FANCB: variants seen among roughly 807,000 people sequenced by gnomAD.
FANCB encodes FA complementation group B.
FANCB carries 5 observed loss-of-function variants against 38.9 expected under a neutral mutation model. That is an observed-to-expected ratio of 0.13 (90% CI 0.07 to 0.27). FANCB has a LOEUF of 0.27. FANCB is among the 10% of genes least tolerant of loss of function. FANCB has a pLI of 1.00. For synonymous variants in FANCB, 236 were observed against 215.4 expected (o/e 1.10, Z -0.84); for missense variants, 573 against 602.7 (o/e 0.95, Z 0.52).
the FANCB span, among the ~76,000 whole-genome samples, chrX:14,798,186 T>C: frequency 1.8e-5 from 2 of 110,029 alleles, no homozygotes; most frequent in Non-Finnish European, 3.8e-5. Flanking sequence ...ACTCACTCTG[T>C]TGCTCAGGCT....
rs368706285 is a variant in FANCB at position 14,845,303 on chromosome X, C to A, written c.1497-17G>T. 8.5e-7 allele frequency: 1 copy of A among 1,173,557 alleles called. No homozygotes were observed. The highest frequency in any genetic ancestry group is 1.2e-6 in the Non-Finnish European group (1 of 861,562). ...TTCAGGGACCTGTAAAAAACCCAGA[C>A]TTTGGTTTAATCTAAAAGCTCATTC... On this transcript the variant is annotated splice_polypyrimidine_tract_variant and intron_variant, in intron 7 of 9. Transcript: ENST00000650831.
At chrX:14,742,357 C>T in the FANCB span, among the ~76,000 whole-genome samples, 2 of 111,659 alleles carry the variant, frequency 1.8e-5, no homozygotes, top group African/African-American at 3.2e-5. Flanking sequence ...CCCATTCTTC[C>T]GGAAGGTAAG....
chrX:14,763,382 A>G, the FANCB span, among the ~76,000 whole-genome samples: 1 of 112,172 alleles, frequency 8.9e-6, no homozygotes, highest in African/African-American at 3.2e-5. Context: ...ATATGAATGA[A>G]TCTCACAAAC....
chrX:14,838,909 T>G (rs1043361635), downstream of FANCB, among the ~76,000 whole-genome samples: 2 of 112,353 alleles, frequency 1.8e-5, no homozygotes, highest in Admixed American at 1.9e-4. Flanking sequence ...AGCAGAAAGA[T>G]TCCTAGAACA....
At chrX:14,708,539 C>T in the FANCB span, among the ~76,000 whole-genome samples, 1 of 111,861 alleles carries the variant, frequency 8.9e-6, no homozygotes, top group East Asian at 2.8e-4. Flanking sequence ...ATGCCCATGA[C>T]CCAGTGGGCT....
the FANCB span, among the ~76,000 whole-genome samples, chrX:14,716,499 G>T: frequency 9.0e-6 from 1 of 111,667 alleles, no homozygotes; most frequent in South Asian, 3.7e-4. Flanking sequence ...GACTACAATT[G>T]GTAAAGAGAG....
the FANCB span, among the ~76,000 whole-genome samples, chrX:14,743,203 A>G: frequency 8.9e-6 from 1 of 112,388 alleles, no homozygotes; most frequent in African/African-American, 3.2e-5. Context: ...GTCCACTGTC[A>G]CAGAAGTGGG....
At chrX:14,809,323 T>C in the FANCB span, among the ~76,000 whole-genome samples, 3 of 112,078 alleles carry the variant, frequency 2.7e-5, no homozygotes, top group Admixed American at 9.4e-5. Context: ...TGCCAGACAG[T>C]GGGTGCAGGA....
At chrX:14,771,684 G>A in the FANCB span, among the ~76,000 whole-genome samples, 2 of 111,978 alleles carry the variant, frequency 1.8e-5, no homozygotes, top group Non-Finnish European at 3.8e-5. Context: ...TTGCTGGAGA[G>A]GTGTTGCAGT....
At chrX:14,729,087 T>G in the FANCB span, among the ~76,000 whole-genome samples, 2 of 112,520 alleles carry the variant, frequency 1.8e-5, no homozygotes, top group Non-Finnish European at 3.7e-5. Context: ...ATATTATAAG[T>G]CCTTCATTTA....
At chrX:14,718,701 A>G in the FANCB span, among the ~76,000 whole-genome samples, 1 of 112,063 alleles carries the variant, frequency 8.9e-6, no homozygotes, top group Non-Finnish European at 1.9e-5. Context: ...CAGAGTGCCT[A>G]CACATAGTCT....
chrX:14,779,411 T>C, the FANCB span, among the ~76,000 whole-genome samples: 1 of 111,835 alleles, frequency 8.9e-6, no homozygotes, highest in African/African-American at 3.3e-5. Flanking sequence ...GTATTGCCAA[T>C]GTGACAGTAT....
At chrX:14,858,083 A>C in intron 4 of FANCB, 129 bp from the exon 5 acceptor site, 1 of 473,171 alleles carries the variant, frequency 2.1e-6, no homozygotes, top group Non-Finnish European at 3.6e-6. Flanking sequence ...TATAAAATAC[A>C]CACTATTTTA....
intron 3 of FANCB, among the ~76,000 whole-genome samples, chrX:14,859,625 T>C (rs1392298187): frequency 8.9e-6 from 1 of 112,064 alleles, no homozygotes; most frequent in Non-Finnish European, 1.9e-5. Flanking sequence ...GTAATCTATT[T>C]ATAAGTTCTA....
chrX:14,866,775 T>C (rs1449482202), intron 2 of FANCB, among the ~76,000 whole-genome samples: 1 of 111,752 alleles, frequency 8.9e-6, no homozygotes, highest in Non-Finnish European at 1.9e-5. Flanking sequence ...GACATCCAAA[T>C]TGGAAAGGAG....
At chrX:14,798,969 G>A in the FANCB span, among the ~76,000 whole-genome samples, 3 of 111,672 alleles carry the variant, frequency 2.7e-5, no homozygotes, top group East Asian at 2.8e-4. Flanking sequence ...TGACTGGACC[G>A]AATATGGCAC....
intron 5 of FANCB, 64 bp from the exon 6 acceptor site, chrX:14,853,231 T>A: frequency 5.0e-6 from 5 of 1,006,454 alleles, no homozygotes; most frequent in Non-Finnish European, 7.0e-6. Context: ...GACATACCAA[T>A]AATTCAGGAA....
chrX:14,844,487 A>T lies in FANCB; in HGVS notation c.2165+16T>A. On this transcript the variant is annotated intron_variant, in intron 9 of 9. Coordinates refer to ENST00000650831, the MANE Select transcript of FANCB (RefSeq NM_001018113.3). Reference sequence around the variant, plus strand: ...CACTCACTTCTCTGGACCAATTACAATTTAATATGCATTACCTGGAATAGA... The same window carrying T: ...CACTCACTTCTCTGGACCAATTACATTTTAATATGCATTACCTGGAATAGA... 1 of 1,115,391 alleles carries T rather than the reference A, an allele frequency of 9.0e-7. No individual in the cohort carries two copies. Among genetic ancestry groups the T allele is most frequent in the East Asian group, 3.0e-5 (1 of 33,443 alleles). 91.9% of individuals were successfully genotyped at this position (1,115,391 alleles called of 1,213,427 possible). A position where few individuals can be genotyped will look rare whatever the true frequency, so the allele number is the denominator to read the frequency against.
At chrX:14,809,784 C>T in the FANCB span, among the ~76,000 whole-genome samples, 2 of 112,463 alleles carry the variant, frequency 1.8e-5, no homozygotes, top group East Asian at 5.6e-4. Flanking sequence ...AGCAGTAACC[C>T]CTGCAGACTT....
Sources: gnomAD v4.1 joint callset for allele counts (sites outside exome capture counted in the v4.1 genomes callset) on GRCh38, gnomAD v4.1.1 for gene constraint, MANE v1.5 for transcripts, NCBI Gene and HGNC (gene_info 2026-07-23, HGNC 2026-07-21) for gene names.